DENND10: variants seen among roughly 807,000 people sequenced by gnomAD.
The protein encoded by DENND10 is DENN domain containing 10, also known as DENN domain-containing protein 10.
DENND10 carries 24 observed loss-of-function variants against 43.6 expected under a neutral mutation model. The ratio of observed to expected loss-of-function variants is 0.55; its 90% CI spans 0.40 to 0.77. The LOEUF is 0.77. DENND10 is among the 30% of genes least tolerant of loss of function. The pLI is 0.00. For missense variants in DENND10, 303 were observed against 429.9 expected, an observed-to-expected ratio of 0.70 and a Z score of 2.61; for synonymous variants, 125 against 157.6, an observed-to-expected ratio of 0.79 and a Z score of 1.55.
intron 2 of DENND10, among the ~76,000 whole-genome samples, chr10:119,111,263 CAAAAAA>C (rs34393667): frequency 1.7e-5 from 2 of 118,454 alleles, no homozygotes; most frequent in African/African-American, 6.4e-5. Context: ...GCAAATGTCC[CAAAAAA>C]AAAAAAAAAA....
chr10:119,117,992 GA>G (rs1845382853), intron 4 of DENND10, among the ~76,000 whole-genome samples: 2 of 151,716 alleles, frequency 1.3e-5, no homozygotes, highest in South Asian at 4.2e-4. Context: ...ACAAAAAAAA[GA>G]AGGTAAAAAC....
chr10:119,135,791 TAAAA>T lies in DENND10; in HGVS notation c.898-658_898-655del, dbSNP rs367836571. On this transcript the variant is annotated intron_variant, in intron 8 of 8. Transcript: ENST00000361432. ...TACACTCAGAAAATGACTAAAATTG[TAAAA>T]AAAAAAAAAAAAAAAAAAAAACCAA... Among the ~76,000 whole-genome samples the T allele has an allele frequency of 3.2e-3, 204 of 64,024 alleles. 1 individual carries two copies. Among genetic ancestry groups the T allele is most frequent in the African/African-American group, 9.2e-3 (157 of 16,992 alleles). 42.0% of individuals were successfully genotyped at this position (64,024 alleles called of 152,430 possible). A position where few individuals can be genotyped will look rare whatever the true frequency, so the allele number is the denominator to read the frequency against.
chr10:119,131,935 C>T lies in DENND10; in HGVS notation c.803-580C>T, dbSNP rs114866822. ...CTATAAAAATGGGCTCATCCTAATC[C>T]GCACCAGTTGAATGGAGTCTGTCTC... is the stretch of plus-strand genomic sequence containing the variant. On this transcript the variant is annotated intron_variant, in intron 7 of 8. Coordinates refer to ENST00000361432, the MANE Select transcript of DENND10 (RefSeq NM_207009.4). Among the ~76,000 whole-genome samples, 1,288 of 152,320 alleles carry T rather than the reference C, an allele frequency of 8.5e-3. 17 individuals carry two copies. Among genetic ancestry groups the T allele is most frequent in the African/African-American group, 0.029 (1,217 of 41,566 alleles).
intron 3 of DENND10, among the ~76,000 whole-genome samples, chr10:119,116,587 G>C (rs1845285083): frequency 6.6e-6 from 1 of 152,056 alleles, no homozygotes; most frequent in African/African-American, 2.4e-5. Flanking sequence ...ACAACAAGGG[G>C]CTCCCAGATG....
At position 119,118,565 on chromosome 10, in the gene DENND10, C is replaced by T. The variant is rs556211430; in HGVS notation, c.481+898C>T. 5.3e-5 allele frequency among the ~76,000 whole-genome samples: 8 copies of T among 152,246 alleles called. 1 individual carries two copies. Among genetic ancestry groups the T allele is most frequent in the East Asian group, 3.9e-4 (2 of 5,182 alleles). The stretch of plus-strand genomic sequence containing the variant: ...GCCCATCTGTCTTTCCTTTTGATCC[C>T]GCTGTTCTTTGAATTTTCTCAGCAT... On this transcript the variant is annotated intron_variant, in intron 4 of 8. Coordinates refer to ENST00000361432, the MANE Select transcript of DENND10 (RefSeq NM_207009.4).
chr10:119,119,001 A>AC (rs1483076340), intron 4 of DENND10, among the ~76,000 whole-genome samples: 20 of 135,690 alleles, frequency 1.5e-4, no homozygotes, highest in Non-Finnish European at 3.0e-4. Context: ...CTGCCACCAC[A>AC]CCCAGCTAAT....
intron 2 of DENND10, among the ~76,000 whole-genome samples, chr10:119,111,263 CAAAAA>C (rs34393667): frequency 5.0e-4 from 59 of 118,472 alleles, no homozygotes; most frequent in Admixed American, 1.2e-3. Context: ...GCAAATGTCC[CAAAAA>C]AAAAAAAAAA....
At chr10:119,106,922 T>C (rs1349307956) in intron 1 of DENND10, among the ~76,000 whole-genome samples, 3 of 151,842 alleles carry the variant, frequency 2.0e-5, no homozygotes, top group Non-Finnish European at 2.9e-5. Context: ...TGGTGGTGCA[T>C]GCCTGTAACC....
intron 3 of DENND10, 32 bp downstream of exon 3, chr10:119,111,960 T>A: frequency 6.7e-7 from 1 of 1,496,250 alleles, no homozygotes; most frequent in Non-Finnish European, 9.3e-7. Context: ...AATGCTAATA[T>A]ACAAAATGAA....
intron 4 of DENND10, among the ~76,000 whole-genome samples, chr10:119,118,444 A>G (rs1294217913): frequency 2.0e-5 from 3 of 152,194 alleles, no homozygotes; most frequent in Non-Finnish European, 4.4e-5. Flanking sequence ...CAAAATGCAG[A>G]CAGCTCAGGC....
intron 3 of DENND10, among the ~76,000 whole-genome samples, chr10:119,113,870 C>T (rs1306707817): frequency 6.6e-6 from 1 of 152,130 alleles, no homozygotes; most frequent in African/African-American, 2.4e-5. Flanking sequence ...CAGTTGTCTG[C>T]TAATGTGGCA....
intron 2 of DENND10, among the ~76,000 whole-genome samples, chr10:119,108,753 C>G (rs933701786): frequency 1.3e-5 from 2 of 151,028 alleles, no homozygotes; most frequent in African/African-American, 4.9e-5. Flanking sequence ...CTCCCGGGTT[C>G]AAGCGATTCA....
chr10:119,131,194 C>A (rs900798058), intron 7 of DENND10, among the ~76,000 whole-genome samples: 1 of 152,204 alleles, frequency 6.6e-6, no homozygotes, highest in African/African-American at 2.4e-5. Context: ...CATGGTGGCT[C>A]ACGCCTGTAA....
chr10:119,133,201 G>A (rs1846160628), intron 8 of DENND10: 1 of 155,510 alleles, frequency 6.4e-6, no homozygotes. Context: ...CTTTCCACGT[G>A]GTGGCCTGCA....
intron 7 of DENND10, among the ~76,000 whole-genome samples, chr10:119,131,349 TCGGGAGGCTGAGG>T (rs1846079053): frequency 6.6e-6 from 1 of 152,074 alleles, no homozygotes; most frequent in African/African-American, 2.4e-5. Flanking sequence ...TCCCAGCTAC[TCGGGAGGCTGAGG>T]CAGGAGAATC....
chr10:119,136,438 A>G, intron 8 of DENND10, 33 bp from the exon 9 acceptor site: 1 of 1,582,134 alleles, frequency 6.3e-7, no homozygotes, highest in Non-Finnish European at 8.6e-7. Flanking sequence ...TCGGATACTA[A>G]CATGTTGCAT....
intron 2 of DENND10, among the ~76,000 whole-genome samples, chr10:119,108,741 G>A (rs1286081241): frequency 6.7e-6 from 1 of 149,558 alleles, no homozygotes; most frequent in African/African-American, 2.4e-5. Context: ...TGCAACCTCC[G>A]CCTCCCGGGT....
intron 8 of DENND10, chr10:119,134,225 G>C (rs1328982041): frequency 6.6e-6 from 1 of 151,974 alleles, no homozygotes; most frequent in Non-Finnish European, 1.5e-5. Flanking sequence ...TTTTAGTAGA[G>C]ATGGGGTTTC....
At position 119,137,290 on chromosome 10, in the gene DENND10, G is replaced by A. The variant is rs527770245; in HGVS notation, c.*643G>A. 2.5e-5 allele frequency: 4 copies of A among 158,880 alleles called. No individual in the cohort carries two copies. In the South Asian group the frequency reaches 6.8e-4, roughly 27 times the overall value. The allele number at this position is 158,880 out of a possible 1,614,324, so 9.8% of individuals were successfully genotyped here. ...TTTAATAATCCATATTTATACTATC[G>A]CAGAAGTAAGCATTTGGCAAACGTT... On this transcript the variant is annotated 3_prime_UTR_variant, in exon 9 of 9. Transcript: ENST00000361432.
Sources: gnomAD v4.1 joint callset for allele counts (sites outside exome capture counted in the v4.1 genomes callset) on GRCh38, gnomAD v4.1.1 for gene constraint, MANE v1.5 for transcripts, NCBI Gene and HGNC (gene_info 2026-07-23, HGNC 2026-07-21) for gene names.